Variants in COL14A1 observed in about 807,000 individuals in gnomAD.
COL14A1 encodes collagen type XIV alpha 1 chain.
COL14A1 carries 136 observed loss-of-function variants against 230.3 expected under a neutral mutation model. That is an observed-to-expected ratio of 0.59 (90% CI 0.51 to 0.68). The LOEUF (loss-of-function observed/expected upper bound fraction) is 0.68, where lower values mean the gene tolerates loss of function less well. COL14A1 is among the 30% of genes least tolerant of loss of function. COL14A1 has a pLI of 0.00. For missense variants in COL14A1, 1,976 were observed against 2,215.8 expected (o/e 0.89, Z 2.17); for synonymous variants, 792 against 784.1 (o/e 1.01, Z -0.17).
chr8:120,176,792 TA>T (rs1428367452), intron 5 of COL14A1, among the ~76,000 whole-genome samples: 1 of 152,208 alleles, frequency 6.6e-6, no homozygotes, highest in East Asian at 1.9e-4. Context: ...ACCTGGATCA[TA>T]GAGTATGCTC....
intron 45 of COL14A1, among the ~76,000 whole-genome samples, chr8:120,347,455 G>A (rs994296202): frequency 1.3e-5 from 2 of 152,088 alleles, no homozygotes; most frequent in African/African-American, 2.4e-5. Context: ...GTGATTTTGC[G>A]ATGACTGTTA....
chr8:120,341,840 A>G lies in COL14A1; in HGVS notation c.4821+480A>G, dbSNP rs948600003. Among the ~76,000 whole-genome samples the G allele has an allele frequency of 3.9e-5, 6 of 152,318 alleles. No individual in the cohort carries two copies. In the East Asian group the frequency reaches 1.2e-3, roughly 29 times the overall value. On this transcript the variant is annotated intron_variant, in intron 43 of 47. Coordinates refer to ENST00000297848, the MANE Select transcript of COL14A1 (RefSeq NM_021110.4). The stretch of plus-strand genomic sequence containing the variant: ...CTGGCCCCCAAACTGAAGTCAGCTT[A>G]ATTTAAGGGTCGTCTCTCTCCTTTC...
intron 35 of COL14A1, among the ~76,000 whole-genome samples, chr8:120,298,609 A>ATATATATATATG (rs2130012535): frequency 1.5e-5 from 1 of 68,702 alleles, no homozygotes; most frequent in South Asian, 4.4e-4. Context: ...ATATATATAT[A>ATATATATATATG]TATATATATA....
Position 120,196,911 on chromosome 8 carries a change from C to G in COL14A1, c.557C>G (p.Thr186Arg), listed in dbSNP as rs762528880. 9 of 1,614,034 alleles carry G rather than the reference C, an allele frequency of 5.6e-6. No homozygotes were observed. In the East Asian group the frequency reaches 2.0e-4, roughly 36 times the overall value. The change falls in exon 6 of 48, where the codon ACA becomes AGA. Residue 186 changes from threonine (T) to arginine (R), a missense_variant. Transcript: ENST00000297848. ...LVRHFLENLV[T>R]AFDVGSEKTR... is the part of the protein sequence containing the mutation. ...CGGCATTTCTTGGAAAACCTGGTTA[C>G]AGCATTCGATGTGGGCTCAGAGAAG...
At chr8:120,283,314 A>G (rs1429216630) in intron 31 of COL14A1, among the ~76,000 whole-genome samples, 2 of 152,232 alleles carry the variant, frequency 1.3e-5, no homozygotes, top group Non-Finnish European at 2.9e-5. Flanking sequence ...TAAAATGTTC[A>G]GTGAGAAGTG....
intron 19 of COL14A1, among the ~76,000 whole-genome samples, chr8:120,232,401 A>G (rs1026704552): frequency 2.6e-5 from 4 of 152,002 alleles, no homozygotes; most frequent in Admixed American, 2.0e-4. Flanking sequence ...TATTTCTCCT[A>G]ATGCTATCCC....
intron 45 of COL14A1, among the ~76,000 whole-genome samples, chr8:120,349,260 A>G (rs1178917243): frequency 6.7e-6 from 1 of 150,182 alleles, no homozygotes; most frequent in Non-Finnish European, 1.5e-5. Flanking sequence ...AAAGACCAAA[A>G]GTAGATAAAA....
At chr8:120,346,077 C>A (rs1048627137) in intron 45 of COL14A1, among the ~76,000 whole-genome samples, 4 of 152,224 alleles carry the variant, frequency 2.6e-5, no homozygotes, top group Non-Finnish European at 5.9e-5. Flanking sequence ...CCTGTATAGA[C>A]CATGTCAGCT....
chr8:120,345,494 G>T lies in COL14A1; in HGVS notation c.5008G>T (p.Glu1670Ter). The T allele has an allele frequency of 6.2e-7, 1 of 1,604,930 alleles. No homozygotes were observed. The highest frequency in any genetic ancestry group is 1.1e-5 in the South Asian group (1 of 89,604). ...GCCAGGCTCACCTGGAGCCCCTGGT[G>T]AACAAGGACCCCCAGGCACACCAGG... ...GRPGSPGAPG[E>*]QGPPGTPGFP... Residue 1670 changes from glutamate (E) to a stop codon, truncating the protein, a stop_gained, in exon 45 of 48, where the codon GAA becomes TAA. Coordinates refer to ENST00000297848, the MANE Select transcript of COL14A1 (RefSeq NM_021110.4). LOFTEE classifies it high-confidence loss of function.
At chr8:120,310,804 CT>C (rs1415277352) in intron 37 of COL14A1, among the ~76,000 whole-genome samples, 3 of 152,194 alleles carry the variant, frequency 2.0e-5, no homozygotes, top group Non-Finnish European at 2.9e-5. Context: ...TCATATCATA[CT>C]TTTCAAAAAC....
chr8:120,320,576 A>C (rs555158905), intron 40 of COL14A1, among the ~76,000 whole-genome samples: 6 of 152,212 alleles, frequency 3.9e-5, no homozygotes, highest in Non-Finnish European at 1.5e-5. Flanking sequence ...ATAAATGTTA[A>C]GCAGTGATGA....
At chr8:120,222,690 G>C (rs935002217) in intron 14 of COL14A1, among the ~76,000 whole-genome samples, 1 of 152,092 alleles carries the variant, frequency 6.6e-6, no homozygotes, top group Non-Finnish European at 1.5e-5. Context: ...CCTTAGATTA[G>C]AGAAGACCTT....
chr8:120,329,919 G>A (rs1821808720), intron 40 of COL14A1, among the ~76,000 whole-genome samples: 1 of 152,074 alleles, frequency 6.6e-6, no homozygotes, highest in African/African-American at 2.4e-5. Flanking sequence ...GGAGGAGTGG[G>A]GGTTAGGGGG....
intron 19 of COL14A1, among the ~76,000 whole-genome samples, chr8:120,241,942 T>C (rs1429873488): frequency 6.6e-6 from 1 of 152,174 alleles, no homozygotes; most frequent in Non-Finnish European, 1.5e-5. Flanking sequence ...AAATCTGAAA[T>C]GCTCCAAAAT....
intron 19 of COL14A1, among the ~76,000 whole-genome samples, chr8:120,243,336 G>C (rs1311063671): frequency 6.6e-6 from 1 of 152,180 alleles, no homozygotes; most frequent in Non-Finnish European, 1.5e-5. Context: ...GTTTTTTAGT[G>C]TTGCTGGTAA....
intron 34 of COL14A1, among the ~76,000 whole-genome samples, chr8:120,293,374 G>T (rs1820430103): frequency 6.6e-6 from 1 of 151,830 alleles, no homozygotes; most frequent in Non-Finnish European, 1.5e-5. Flanking sequence ...AAAAAATATA[G>T]TATATTTTCA....
chr8:120,218,750 T>G (rs1343687468), intron 14 of COL14A1, among the ~76,000 whole-genome samples: 1 of 152,190 alleles, frequency 6.6e-6, no homozygotes, highest in East Asian at 1.9e-4. Context: ...TAGGGACTGG[T>G]GGATGGGAAG....
intron 18 of COL14A1, 106 bp from the exon 19 acceptor site, chr8:120,231,361 G>A: frequency 8.4e-7 from 1 of 1,194,722 alleles, no homozygotes; most frequent in African/African-American, 1.5e-5. Context: ...TATATTACAG[G>A]GATACATTAA....
chr8:120,371,933 G>T lies in COL14A1; in HGVS notation c.*702G>T. On this transcript the variant is annotated 3_prime_UTR_variant, in exon 48 of 48. Transcript: ENST00000297848. ...CGATTTATCCAGCAGTGTGTTCCAG[G>T]GGTTGCCTCTCCTTATCTACGGGGA... The T allele has an allele frequency of 3.3e-6, 1 of 305,974 alleles. No homozygotes were observed. The highest frequency in any genetic ancestry group is 6.0e-6 in the Non-Finnish European group (1 of 167,078). 19.0% of individuals were successfully genotyped at this position (305,974 alleles called of 1,614,324 possible). A position where few individuals can be genotyped will look rare whatever the true frequency, so the allele number is the denominator to read the frequency against.
Sources: gnomAD v4.1 joint callset for allele counts (sites outside exome capture counted in the v4.1 genomes callset) on GRCh38, gnomAD v4.1.1 for gene constraint, MANE v1.5 for transcripts, NCBI Gene and HGNC (gene_info 2026-07-23, HGNC 2026-07-21) for gene names.